Variants in SUMF1 observed in about 807,000 individuals in gnomAD.
SUMF1 encodes sulfatase modifying factor 1, also known as formylglycine-generating enzyme.
Under a neutral mutation model 47.6 loss-of-function variants are expected in SUMF1, and 48 were observed. The ratio of observed to expected loss-of-function variants is 1.01; its 90% CI spans 0.80 to 1.28. SUMF1 has a LOEUF of 1.28. SUMF1 is among the 50% of genes most tolerant of loss of function. The pLI is 0.00. For synonymous variants in SUMF1, 230 were observed against 192.1 expected (o/e 1.20, Z -1.63); for missense variants, 571 against 485.4 (o/e 1.18, Z -1.66).
At chr3:4,173,694 C>A (rs893863772) in intron 8 of SUMF1, among the ~76,000 whole-genome samples, 10 of 152,114 alleles carry the variant, frequency 6.6e-5, no homozygotes, top group African/African-American at 2.4e-4. Context: ...GAATACTATG[C>A]AGCCATAAGA....
At chr3:4,364,043 T>C (rs1178804821) in intron 8 of SUMF1, among the ~76,000 whole-genome samples, 3 of 132,284 alleles carry the variant, frequency 2.3e-5, no homozygotes, top group Non-Finnish European at 4.8e-5. Context: ...TTTGCGTATA[T>C]TGAACCAGAC....
At chr3:4,365,087 G>A (rs1362047579) in intron 8 of SUMF1, among the ~76,000 whole-genome samples, 2 of 150,526 alleles carry the variant, frequency 1.3e-5, no homozygotes, top group African/African-American at 4.9e-5. Flanking sequence ...GAGACAGTTT[G>A]TTATAATTTC....
At chr3:4,069,130 A>G (rs1695453299) in intron 8 of SUMF1, among the ~76,000 whole-genome samples, 1 of 152,162 alleles carries the variant, frequency 6.6e-6, no homozygotes, top group African/African-American at 2.4e-5. Context: ...TGTCCTCAAG[A>G]GCTTAGAATG....
intron 7 of SUMF1, among the ~76,000 whole-genome samples, chr3:4,385,456 C>T (rs1439986702): frequency 1.3e-5 from 2 of 152,002 alleles, no homozygotes; most frequent in African/African-American, 2.4e-5. Flanking sequence ...GTCTTCTGCA[C>T]GTGTTCTAAT....
At chr3:4,144,442 C>T (rs1427845426) in intron 8 of SUMF1, among the ~76,000 whole-genome samples, 1 of 152,094 alleles carries the variant, frequency 6.6e-6, no homozygotes, top group Non-Finnish European at 1.5e-5. Context: ...CTGACAGAAT[C>T]ACCAATCTTT....
chr3:4,303,410 A>C (rs1425682858), intron 8 of SUMF1: 2 of 1,556,812 alleles, frequency 1.3e-6, no homozygotes, highest in Non-Finnish European at 1.7e-6. Flanking sequence ...GCCTTGTGGG[A>C]TGGCGGAGTT....
At chr3:4,071,381 C>T (rs1024208672) in intron 8 of SUMF1, among the ~76,000 whole-genome samples, 1 of 152,144 alleles carries the variant, frequency 6.6e-6, no homozygotes, top group African/African-American at 2.4e-5. Flanking sequence ...TGAGGGATTT[C>T]CCCTTCCTAG....
chr3:4,251,754 T>C (rs1315512231), intron 8 of SUMF1, among the ~76,000 whole-genome samples: 1 of 152,232 alleles, frequency 6.6e-6, no homozygotes, highest in Admixed American at 6.5e-5. Flanking sequence ...GAAAATCTGT[T>C]GTTTAGTGTA....
chr3:4,316,129 G>T, intron 8 of SUMF1: 1 of 571,824 alleles, frequency 1.7e-6, no homozygotes, highest in Non-Finnish European at 3.1e-6. Context: ...CTTAAATGTG[G>T]TCATGTTATA....
At chr3:4,398,936 C>G (rs550449714) in intron 7 of SUMF1, among the ~76,000 whole-genome samples, 67 of 152,274 alleles carry the variant, frequency 4.4e-4, no homozygotes, top group African/African-American at 1.5e-3. Context: ...ATTAACAAGT[C>G]TGGGGATCAG....
rs1318446520 is a variant in SUMF1 at position 4,313,567 on chromosome 3, G to C, written c.1014+62763C>G. Reference sequence around the variant, plus strand: ...TAATCTAACAGTCAGTGAAGACAAAGAAAGGCTAGATCATGGGAAACTAAG... The same window carrying C: ...TAATCTAACAGTCAGTGAAGACAAACAAAGGCTAGATCATGGGAAACTAAG... On this transcript the variant is annotated intron_variant and NMD_transcript_variant, in intron 8 of 12. Transcript: ENST00000448413. The C allele has an allele frequency of 3.7e-6, 6 of 1,613,850 alleles. No homozygotes were observed. In the South Asian group the frequency reaches 5.5e-5, roughly 15 times the overall value.
chr3:4,036,577 T>C lies in SUMF1; in HGVS notation c.1191+31992A>G, dbSNP rs1210034192. Among the ~76,000 whole-genome samples the C allele has an allele frequency of 1.3e-5, 2 of 149,788 alleles. 1 individual carries two copies. Among genetic ancestry groups the C allele is most frequent in the African/African-American group, 4.9e-5 (2 of 40,560 alleles). On this transcript the variant is annotated intron_variant and NMD_transcript_variant, in intron 9 of 12. Transcript: ENST00000448413. ...AGGAGGAGTTTTCTCACTCCTCACT[T>C]CCATTTCCTTCTTGCTATGATCCTC...
At chr3:4,221,928 G>A (rs2068383) in intron 8 of SUMF1, among the ~76,000 whole-genome samples, 55,727 of 151,028 alleles carry the variant, frequency 0.37, 10,895 homozygotes, top group Non-Finnish European at 0.44. Context: ...TCCTTATAAC[G>A]TTTTGTATAT....
At chr3:4,046,411 T>G (rs1012480788) in intron 9 of SUMF1, among the ~76,000 whole-genome samples, 2 of 152,168 alleles carry the variant, frequency 1.3e-5, no homozygotes, top group Non-Finnish European at 2.9e-5. Context: ...GAGGTTGAGT[T>G]TTAGCCAGTG....
chr3:4,396,460 G>A (rs1353066443), intron 7 of SUMF1, among the ~76,000 whole-genome samples: 2 of 152,140 alleles, frequency 1.3e-5, no homozygotes, highest in Admixed American at 1.3e-4. Flanking sequence ...ATCACCACGG[G>A]ACCTACCGCA....
intron 7 of SUMF1, among the ~76,000 whole-genome samples, chr3:4,406,528 C>T (rs1045484127): frequency 2.6e-5 from 4 of 152,036 alleles, no homozygotes; most frequent in African/African-American, 7.2e-5. Context: ...TGTGGTAGCA[C>T]GGGCACCTGT....
chr3:4,357,287 TTCCAGAAAGCACTATGTTTACGGTGG>T (rs1699640488), downstream of SUMF1, among the ~76,000 whole-genome samples: 1 of 150,658 alleles, frequency 6.6e-6, no homozygotes, highest in South Asian at 2.1e-4. Flanking sequence ...GTTTACGGTG[TTCCAGAAAGCACTATGTTTACGGTGG>T]TTTTTTTTTT....
chr3:4,240,436 A>G (rs7612039), intron 8 of SUMF1, among the ~76,000 whole-genome samples: 54,896 of 151,852 alleles, frequency 0.36, 10,808 homozygotes, highest in Non-Finnish European at 0.45. Flanking sequence ...AAAGTTTGTG[A>G]TGGTAATAAA....
At chr3:4,094,355 T>C (rs992155737) in intron 8 of SUMF1, among the ~76,000 whole-genome samples, 1 of 152,040 alleles carries the variant, frequency 6.6e-6, no homozygotes, top group East Asian at 1.9e-4. Flanking sequence ...CATGCCCTCA[T>C]GAACTTAGAG....
Sources: gnomAD v4.1 joint callset for allele counts (sites outside exome capture counted in the v4.1 genomes callset) on GRCh38, gnomAD v4.1.1 for gene constraint, MANE v1.5 for transcripts, NCBI Gene and HGNC (gene_info 2026-07-23, HGNC 2026-07-21) for gene names.